Variants in RERE observed in about 807,000 individuals in gnomAD.
RERE encodes arginine-glutamic acid dipeptide repeats.
RERE carries 40 observed loss-of-function variants against 146.1 expected under a neutral mutation model. The observed-to-expected ratio is 0.27, with a 90% confidence interval of 0.21 to 0.36. The LOEUF (loss-of-function observed/expected upper bound fraction) is 0.36. RERE is among the 10% of genes least tolerant of loss of function. The probability of loss-of-function intolerance (pLI) is 1.00; values close to 1 mark genes in which losing one functional copy is unlikely to be tolerated. For synonymous variants in RERE, 1,003 were observed against 866.0 expected (o/e 1.16, Z -2.78); for missense variants, 1,933 against 2,138.7 (o/e 0.90, Z 1.90).
intron 12 of RERE, among the ~76,000 whole-genome samples, chr1:8,378,795 T>C (rs1642349235): frequency 6.6e-6 from 1 of 152,114 alleles, no homozygotes; most frequent in East Asian, 1.9e-4. Flanking sequence ...GGCTTCATGG[T>C]GAGCCTCGAG....
intron 1 of RERE, among the ~76,000 whole-genome samples, chr1:8,747,078 T>G (rs1640436916): frequency 6.6e-6 from 1 of 151,992 alleles, no homozygotes; most frequent in Admixed American, 6.6e-5. Context: ...CTTGGCTCAC[T>G]GCAAGCTCCG....
intron 10 of RERE, among the ~76,000 whole-genome samples, chr1:8,473,787 G>C (rs1440693013): frequency 6.6e-6 from 1 of 152,202 alleles, no homozygotes; most frequent in African/African-American, 2.4e-5. Context: ...CAGAAAAATG[G>C]AAAGTGCTAA....
chr1:8,468,355 C>T (rs1289889475), intron 10 of RERE, among the ~76,000 whole-genome samples: 2 of 152,066 alleles, frequency 1.3e-5, no homozygotes, highest in African/African-American at 2.4e-5. Context: ...TGCCTAATAT[C>T]CAGAACAAGC....
At chr1:8,774,306 C>T (rs1245452472) in intron 1 of RERE, among the ~76,000 whole-genome samples, 1 of 148,650 alleles carries the variant, frequency 6.7e-6, no homozygotes, top group African/African-American at 2.5e-5. Flanking sequence ...ATACTCACTG[C>T]TTGTAGGAAT....
intron 7 of RERE, among the ~76,000 whole-genome samples, chr1:8,528,284 G>A (rs1645594836): frequency 6.6e-6 from 1 of 152,164 alleles, no homozygotes; most frequent in African/African-American, 2.4e-5. Flanking sequence ...AAAACAAAGA[G>A]AGACAAGGGA....
At chr1:8,461,795 G>A (rs563351184) in intron 11 of RERE, among the ~76,000 whole-genome samples, 1 of 152,152 alleles carries the variant, frequency 6.6e-6, no homozygotes, top group Non-Finnish European at 1.5e-5. Context: ...GGAGTAGGAA[G>A]AACAAGAAGA....
intron 1 of RERE, among the ~76,000 whole-genome samples, chr1:8,716,222 A>G (rs1639761317): frequency 6.6e-6 from 1 of 150,830 alleles, no homozygotes; most frequent in South Asian, 2.1e-4. Context: ...TAACACTTTG[A>G]GAGGCCAAGG....
chr1:8,385,649 C>G lies in RERE; in HGVS notation c.1285-19675G>C, dbSNP rs533574407. Among the ~76,000 whole-genome samples, 17 of 152,046 alleles carry G rather than the reference C, an allele frequency of 1.1e-4. No individual in the cohort carries two copies. In the South Asian group the frequency reaches 3.5e-3, roughly 32 times the overall value. On this transcript the variant is annotated intron_variant, in intron 12 of 22. Coordinates refer to ENST00000400908, the MANE Select transcript of RERE (RefSeq NM_001042681.2). ...CCAACTGTGGCCTCAGAACGCCTGA[C>G]CAGCTACCCGGAGAGCTTTTATTTC...
intron 1 of RERE, among the ~76,000 whole-genome samples, chr1:8,763,194 G>C (rs901673524): frequency 6.6e-6 from 1 of 152,012 alleles, no homozygotes; most frequent in African/African-American, 2.4e-5. Context: ...ATTTGTTTTT[G>C]TACAACTCTG....
At chr1:8,726,527 C>T (rs888112769) in intron 1 of RERE, among the ~76,000 whole-genome samples, 2 of 152,180 alleles carry the variant, frequency 1.3e-5, no homozygotes, top group Non-Finnish European at 2.9e-5. Flanking sequence ...AATTCTGATA[C>T]ATTAGCTAAT....
chr1:8,774,139 T>C (rs868127141), intron 1 of RERE, among the ~76,000 whole-genome samples: 1 of 152,130 alleles, frequency 6.6e-6, no homozygotes, highest in African/African-American at 2.4e-5. Context: ...TCTAAAGCCA[T>C]TCATTCGAGG....
intron 5 of RERE, 52 bp from the exon 6 acceptor site, chr1:8,556,623 T>A: frequency 8.6e-7 from 1 of 1,165,284 alleles, no homozygotes; most frequent in Non-Finnish European, 1.3e-6. Context: ...CCAAAACAAG[T>A]AAAAAAAATT....
chr1:8,724,395 G>A (rs924211912), intron 1 of RERE, among the ~76,000 whole-genome samples: 7 of 152,128 alleles, frequency 4.6e-5, no homozygotes, highest in Non-Finnish European at 7.4e-5. Flanking sequence ...CAAAACGTGA[G>A]TAATACTGTC....
rs368219880 is a variant in RERE, at chr1:8,400,222, A to ATATGCG, written c.1284+22504_1284+22505insCGCATA. Among the ~76,000 whole-genome samples, 4 of 140,062 alleles carry ATATGCG rather than the reference A, an allele frequency of 2.9e-5. No homozygotes were observed. The South Asian group carries it at 7.2e-4, about 25-fold the overall frequency. 91.9% of individuals were successfully genotyped at this position (140,062 alleles called of 152,430 possible). On this transcript the variant is annotated intron_variant, in intron 12 of 22. Coordinates refer to ENST00000400908, the MANE Select transcript of RERE (RefSeq NM_001042681.2). Reference sequence around the variant, plus strand: ...CTCTTCCTTTCCATTCCTGTGTCATATGTGTGTGTGTGTGTGTGTGTGTGT... The same window carrying ATATGCG: ...CTCTTCCTTTCCATTCCTGTGTCATATATGCGTGTGTGTGTGTGTGTGTGTGTGTGT...
At chr1:8,432,974 G>T (rs930584227) in intron 11 of RERE, among the ~76,000 whole-genome samples, 3 of 152,178 alleles carry the variant, frequency 2.0e-5, no homozygotes, top group Admixed American at 2.0e-4. Context: ...ATACTTTAAA[G>T]GAAAGTTTAC....
At chr1:8,687,152 T>C (rs1454536698) in intron 1 of RERE, among the ~76,000 whole-genome samples, 2 of 152,186 alleles carry the variant, frequency 1.3e-5, no homozygotes, top group Non-Finnish European at 2.9e-5. Flanking sequence ...CATGTTTGTA[T>C]GCTGCTGGGA....
intron 12 of RERE, among the ~76,000 whole-genome samples, chr1:8,372,507 CGTGTGTGTGT>C (rs6143111): frequency 6.8e-4 from 89 of 131,826 alleles, no homozygotes; most frequent in East Asian, 2.8e-4. Flanking sequence ...ACCATCAGGT[CGTGTGTGTGT>C]GTGTGTGTGT....
At position 8,733,587 on chromosome 1, in the gene RERE, C is replaced by T. The variant is rs1319703659; in HGVS notation, c.-144-77146G>A. Among the ~76,000 whole-genome samples the T allele has an allele frequency of 2.0e-5, 3 of 152,224 alleles. No individual in the cohort carries two copies. The East Asian group carries it at 5.8e-4, about 29-fold the overall frequency. ...AGGTTCCATGTGCAAGGAACTGAAG[C>T]TTCTGCCAACAGCCAGCAAGAACTC... On this transcript the variant is annotated intron_variant, in intron 1 of 22. Coordinates refer to ENST00000400908, the MANE Select transcript of RERE (RefSeq NM_001042681.2).
chr1:8,812,578 CA>C (rs1294973461), intron 1 of RERE, among the ~76,000 whole-genome samples: 3 of 152,116 alleles, frequency 2.0e-5, no homozygotes, highest in African/African-American at 4.8e-5. Flanking sequence ...ACCTGGGAAG[CA>C]AAGTTGCAGT....
Sources: allele counts gnomAD v4.1 joint callset (sites outside exome capture counted in the v4.1 genomes callset), GRCh38; gene constraint gnomAD v4.1.1; transcripts MANE v1.5; gene names NCBI Gene and HGNC (gene_info 2026-07-23, HGNC 2026-07-21).